Variants in R3HDM1 observed in about 807,000 individuals in gnomAD.
R3HDM1 encodes the protein R3H domain containing 1.
In R3HDM1, 46 loss-of-function variants were observed where a neutral mutation model predicts 141.1. The ratio of observed to expected loss-of-function variants is 0.33; its 90% CI spans 0.26 to 0.42. The LOEUF (loss-of-function observed/expected upper bound fraction) is 0.42. Among genes scored for constraint, R3HDM1 ranks in the 10% least tolerant of loss-of-function variants. The pLI, the probability that R3HDM1 is intolerant of heterozygous loss-of-function variation, is 1.00. For missense variants in R3HDM1, 1,184 were observed against 1,368.3 expected (o/e 0.87, Z 2.12); for synonymous variants, 435 against 472.9 (o/e 0.92, Z 1.04).
At chr2:135,586,647 TTG>T in intron 1 of R3HDM1, 1 of 952,554 alleles carries the variant, frequency 1.0e-6, no homozygotes, top group Non-Finnish European at 1.3e-6. Flanking sequence ...CATTTTAAAA[TTG>T]TCTTTGTTTA....
In R3HDM1 at chr2:135,613,773, G is replaced by A. The variant is rs553285185; in HGVS notation, c.172-2379G>A. On this transcript the variant is annotated intron_variant, in intron 3 of 26. Transcript: ENST00000683871. ...GGAAGTTGCAGTGATCCAATATCAC[G>A]CCACTGCACTCCAGCCTGGGCGACA... Among the ~76,000 whole-genome samples the A allele has an allele frequency of 6.4e-4, 98 of 152,254 alleles. 1 individual carries two copies. The highest frequency in any genetic ancestry group is 5.9e-3 in the Admixed American group (90 of 15,300).
At chr2:135,594,958 T>C (rs1267603352) in intron 1 of R3HDM1, among the ~76,000 whole-genome samples, 2 of 150,304 alleles carry the variant, frequency 1.3e-5, no homozygotes, top group Non-Finnish European at 2.9e-5. Context: ...AAGGGTTCAG[T>C]GTTCCCTAGG....
intron 23 of R3HDM1, among the ~76,000 whole-genome samples, chr2:135,711,446 G>C (rs1015851384): frequency 6.0e-5 from 9 of 150,862 alleles, no homozygotes; most frequent in African/African-American, 2.0e-4. Context: ...GGCAGACCTG[G>C]AACGCAGGAG....
At position 135,555,476 on chromosome 2, in the gene R3HDM1, A is replaced by G. The variant is rs1317262888; in HGVS notation, c.-250+23843A>G. ...CAGTAGGAGTGTAAAGGGTGTGGTC[A>G]TTTTGGTGAGTCTGGAAGTTCCTCA... On this transcript the variant is annotated intron_variant, in intron 1 of 26. Coordinates refer to ENST00000683871, the MANE Select transcript of R3HDM1 (RefSeq NM_001378107.1). Among the ~76,000 whole-genome samples the G allele has an allele frequency of 2.6e-5, 4 of 152,188 alleles. No homozygotes were observed. In the East Asian group the frequency reaches 7.7e-4, roughly 29 times the overall value.
intron 21 of R3HDM1, among the ~76,000 whole-genome samples, chr2:135,694,378 T>G (rs1223862128): frequency 2.0e-5 from 3 of 152,230 alleles, no homozygotes; most frequent in Non-Finnish European, 2.9e-5. Context: ...GTGTGCTGAC[T>G]TTGGCATCTT....
At chr2:135,708,416 T>C (rs549931681) in intron 21 of R3HDM1, among the ~76,000 whole-genome samples, 21 of 152,328 alleles carry the variant, frequency 1.4e-4, no homozygotes, top group African/African-American at 4.3e-4. Context: ...AGTAGTTTTG[T>C]ATAAAGTTTA....
At chr2:135,657,777 A>G (rs1193134424) in intron 18 of R3HDM1, among the ~76,000 whole-genome samples, 1 of 152,202 alleles carries the variant, frequency 6.6e-6, no homozygotes, top group Non-Finnish European at 1.5e-5. Flanking sequence ...TTCACCCCAA[A>G]CTAGGTCAGA....
chr2:135,540,882 G>A (rs1010307705), intron 1 of R3HDM1, among the ~76,000 whole-genome samples: 1 of 152,182 alleles, frequency 6.6e-6, no homozygotes, highest in Non-Finnish European at 1.5e-5. Context: ...TGATACATGG[G>A]CTGAAAAATA....
chr2:135,614,567 T>C lies in R3HDM1; in HGVS notation c.172-1585T>C, dbSNP rs539736181. Among the ~76,000 whole-genome samples the C allele has an allele frequency of 2.2e-4, 33 of 152,308 alleles. No homozygotes were observed. The South Asian group carries it at 5.8e-3, about 27-fold the overall frequency. Reference sequence around the variant, plus strand: ...AAGTAATTTGACCATGGTTACCCACTAATAAGAAGCAAATTCAAAAATTTA... The same window carrying C: ...AAGTAATTTGACCATGGTTACCCACCAATAAGAAGCAAATTCAAAAATTTA... On this transcript the variant is annotated intron_variant, in intron 3 of 26. Transcript: ENST00000683871.
chr2:135,586,649 G>A (rs1254554056), intron 1 of R3HDM1: 1 of 957,098 alleles, frequency 1.0e-6, no homozygotes, highest in Non-Finnish European at 1.2e-6. Context: ...TTTTAAAATT[G>A]TCTTTGTTTA....
rs2069010877 is a variant in R3HDM1, at chr2:135,675,450, A to G, written c.2271A>G (p.Gly757=). ...ACAGCATTGGAAATCAGATTCAAGG[A>G]GTGGTCATCCCCTATACTTCAGTGC... is the stretch of plus-strand genomic sequence containing the variant. ...QPNSIGNQIQ[G]VVIPYTSVPT... is the part of the protein sequence containing the mutation. The change falls in exon 20 of 27, where the codon GGA becomes GGG. Residue 757 remains glycine (G), a synonymous_variant. Transcript: ENST00000683871. 6.2e-7 allele frequency: 1 copy of G among 1,613,994 alleles called. No individual in the cohort carries two copies. The highest frequency in any genetic ancestry group is 1.7e-5 in the Admixed American group (1 of 60,026).
chr2:135,621,433 G>A (rs1388137985), intron 5 of R3HDM1, 61 bp from the exon 6 acceptor site: 5 of 1,002,580 alleles, frequency 5.0e-6, no homozygotes, highest in Middle Eastern at 5.5e-4. Context: ...AAATATAAAT[G>A]TGTGGTATTA....
chr2:135,662,749 T>C (rs2066893641), intron 19 of R3HDM1, among the ~76,000 whole-genome samples: 1 of 152,254 alleles, frequency 6.6e-6, no homozygotes, highest in South Asian at 2.1e-4. Context: ...GTTGTGGTAC[T>C]GCTCATTAGC....
intron 21 of R3HDM1, among the ~76,000 whole-genome samples, chr2:135,693,594 GA>G (rs1464777880): frequency 1.3e-5 from 2 of 152,094 alleles, no homozygotes; most frequent in East Asian, 3.9e-4. Context: ...GGACTCTTAA[GA>G]AAAAAATAAC....
At chr2:135,654,016 G>C (rs1307538859) in intron 18 of R3HDM1, among the ~76,000 whole-genome samples, 1 of 152,050 alleles carries the variant, frequency 6.6e-6, no homozygotes, top group Non-Finnish European at 1.5e-5. Flanking sequence ...GAACATTTTA[G>C]TTGCATTTAG....
At chr2:135,532,652 CTT>C (rs1224930666) in intron 1 of R3HDM1, among the ~76,000 whole-genome samples, 1 of 151,894 alleles carries the variant, frequency 6.6e-6, no homozygotes, top group Non-Finnish European at 1.5e-5. Flanking sequence ...ATGACAAAAA[CTT>C]TTAAATGAAA....
At chr2:135,664,896 G>A (rs1410672686) in intron 19 of R3HDM1, among the ~76,000 whole-genome samples, 1 of 152,174 alleles carries the variant, frequency 6.6e-6, no homozygotes, top group African/African-American at 2.4e-5. Flanking sequence ...TTTGTAACTG[G>A]TGTTAGGCAT....
At position 135,680,240 on chromosome 2, in the gene R3HDM1, ATCAG is replaced by A; in HGVS notation, c.2378_2381del (p.Gln793LeufsTer26). ...TATCAACAGCCTGTTATGTTCCCTAATCAGTCTAATCAAGGATCTATGCCCACAA... is the reference window on the plus strand; with the variant it reads ...TATCAACAGCCTGTTATGTTCCCTAATCTAATCAAGGATCTATGCCCACAA... On this transcript the variant is annotated frameshift_variant, in exon 21 of 27. Coordinates refer to ENST00000683871, the MANE Select transcript of R3HDM1 (RefSeq NM_001378107.1). LOFTEE classifies it high-confidence loss of function. 1.2e-6 allele frequency: 2 copies of A among 1,613,576 alleles called. No homozygotes were observed. The highest frequency in any genetic ancestry group is 1.7e-6 in the Non-Finnish European group (2 of 1,179,532).
rs752534222 is a variant in R3HDM1, at chr2:135,557,891, T to C, written c.-250+26258T>C. On this transcript the variant is annotated intron_variant, in intron 1 of 26. Transcript: ENST00000683871. ...GGCTAGTAAGTGTAGTTAGTATACA[T>C]TGAACAAAAAACATGGGCCCATGTA... Among the ~76,000 whole-genome samples, 49 of 152,248 alleles carry C rather than the reference T, an allele frequency of 3.2e-4. 1 individual carries two copies. The highest frequency in any genetic ancestry group is 9.2e-4 in the Admixed American group (14 of 15,284).
Sources: allele counts gnomAD v4.1 joint callset (sites outside exome capture counted in the v4.1 genomes callset), GRCh38; gene constraint gnomAD v4.1.1; transcripts MANE v1.5; gene names NCBI Gene and HGNC (gene_info 2026-07-23, HGNC 2026-07-21).